The following DNAJC12 variants were observed in gnomAD, a reference collection of about 807,000 sequenced individuals.
DNAJC12 encodes the protein dnaJ homolog subfamily C member 12.
In DNAJC12, 25 loss-of-function variants were observed where a neutral mutation model predicts 28.5. The observed-to-expected ratio is 0.88, with a 90% CI of 0.64 to 1.22. DNAJC12 has a LOEUF of 1.22. DNAJC12 is among the 50% of genes most tolerant of loss of function. The pLI is 0.00. For synonymous variants in DNAJC12, 77 were observed against 80.6 expected, an observed-to-expected ratio of 0.95 and a Z score of 0.24; for missense variants, 222 against 231.7, an observed-to-expected ratio of 0.96 and a Z score of 0.27.
chr10:67,798,492 C>CT (rs1841702935), intron 4 of DNAJC12, among the ~76,000 whole-genome samples: 1 of 151,878 alleles, frequency 6.6e-6, no homozygotes, highest in African/African-American at 2.4e-5. Context: ...CCAGCATAGG[C>CT]AACATGGCAA....
intron 2 of DNAJC12, among the ~76,000 whole-genome samples, chr10:67,816,628 C>A (rs963985827): frequency 6.6e-6 from 1 of 151,548 alleles, no homozygotes. Context: ...TCACTGCAAC[C>A]ACCGCCTCCT....
At chr10:67,820,517 C>A (rs1841971266) in intron 2 of DNAJC12, among the ~76,000 whole-genome samples, 1 of 152,134 alleles carries the variant, frequency 6.6e-6, no homozygotes, top group Non-Finnish European at 1.5e-5. Flanking sequence ...CCACATCTCT[C>A]TGGGCAGTGG....
chr10:67,809,663 A>C (rs1841839523), intron 3 of DNAJC12, among the ~76,000 whole-genome samples: 1 of 152,172 alleles, frequency 6.6e-6, no homozygotes, highest in African/African-American at 2.4e-5. Context: ...AGCCCTAAAA[A>C]AGAGCAAAAT....
chr10:67,837,932 AC>A lies in DNAJC12; in HGVS notation c.78+1del. 1 of 1,585,286 alleles carries A rather than the reference AC, an allele frequency of 6.3e-7. No individual in the cohort carries two copies. The highest frequency in any genetic ancestry group is 1.4e-5 in the African/African-American group (1 of 74,008). ...TGATAAAAATATTATCCACTGTCTT[AC>A]CGAAGATAGTTCATCACATCCCAGT... is the stretch of plus-strand genomic sequence containing the variant. On this transcript the variant is annotated splice_donor_variant, in intron 1 of 4. Transcript: ENST00000225171. LOFTEE classifies it high-confidence loss of function.
chr10:67,805,393 G>A (rs1316689600), intron 4 of DNAJC12, among the ~76,000 whole-genome samples, 190 bp downstream of exon 4: 1 of 152,220 alleles, frequency 6.6e-6, no homozygotes, highest in Non-Finnish European at 1.5e-5. Flanking sequence ...ACTGAGAATT[G>A]TCTCAAGGTT....
intron 1 of DNAJC12, among the ~76,000 whole-genome samples, chr10:67,830,471 G>A (rs1303504661): frequency 6.6e-5 from 10 of 151,288 alleles, no homozygotes; most frequent in Non-Finnish European, 1.2e-4. Flanking sequence ...AGCTGGGCGT[G>A]GTGGCAGGCG....
Position 67,825,259 on chromosome 10 carries a change from G to GT in DNAJC12, c.79-1868dup, listed in dbSNP as rs113894282. The GT allele has an allele frequency of 5.3e-5, 8 of 152,306 alleles. 1 individual carries two copies. The highest frequency in any genetic ancestry group is 1.9e-4 in the African/African-American group (8 of 41,570). 9.4% of individuals were successfully genotyped at this position (152,306 alleles called of 1,614,324 possible). A position where few individuals can be genotyped will look rare whatever the true frequency, so the allele number is the denominator to read the frequency against. ...TCAGCTAGTTACTAAAAAGAGCTGA[G>GT]TTTTTTGTTAAGTTAGCAGTCAAAC... is the stretch of plus-strand genomic sequence containing the variant. On this transcript the variant is annotated intron_variant, in intron 1 of 4. Coordinates refer to ENST00000225171, the MANE Select transcript of DNAJC12 (RefSeq NM_021800.3).
Position 67,803,082 on chromosome 10 carries a change from C to T in DNAJC12, c.502+2501G>A, listed in dbSNP as rs58235999. On this transcript the variant is annotated intron_variant, in intron 4 of 4. Coordinates refer to ENST00000225171, the MANE Select transcript of DNAJC12 (RefSeq NM_021800.3). The stretch of plus-strand genomic sequence containing the variant: ...CTCAAACTCCCGGCCTCAAGCAATC[C>T]GCCCACCTCACCCTCCCTAATTGCT... Among the ~76,000 whole-genome samples the T allele has an allele frequency of 7.8e-3, 1,180 of 151,934 alleles. 17 individuals are homozygous for T. Among genetic ancestry groups the T allele is most frequent in the African/African-American group, 0.027 (1,124 of 41,404 alleles).
chr10:67,822,184 G>C (rs781164185), intron 2 of DNAJC12, among the ~76,000 whole-genome samples: 4 of 152,152 alleles, frequency 2.6e-5, no homozygotes, highest in Non-Finnish European at 5.9e-5. Context: ...GAGCTTAGGA[G>C]GGAACCTTGG....
At chr10:67,819,532 G>C (rs934088886) in intron 2 of DNAJC12, among the ~76,000 whole-genome samples, 1 of 151,214 alleles carries the variant, frequency 6.6e-6, no homozygotes, top group Admixed American at 6.6e-5. Flanking sequence ...CCAGCTTCTC[G>C]GGAGGCTGAG....
chr10:67,814,318 A>G (rs1841892548), intron 2 of DNAJC12, among the ~76,000 whole-genome samples: 2 of 152,190 alleles, frequency 1.3e-5, no homozygotes, highest in Admixed American at 1.3e-4. Context: ...TATAAAAAGC[A>G]TGAATTTAGA....
At chr10:67,836,811 G>T (rs982425922) in intron 1 of DNAJC12, among the ~76,000 whole-genome samples, 1 of 151,522 alleles carries the variant, frequency 6.6e-6, no homozygotes, top group African/African-American at 2.4e-5. Flanking sequence ...TTTTATTAAT[G>T]AACTACTGCC....
intron 2 of DNAJC12, among the ~76,000 whole-genome samples, chr10:67,819,703 G>GAAAGAAA: frequency 3.2e-5 from 1 of 31,510 alleles, no homozygotes; most frequent in African/African-American, 1.1e-4. Context: ...AGAAAGGAAG[G>GAAAGAAA]AAGGAAGGAA....
At chr10:67,816,677 C>T (rs1432063543) in intron 2 of DNAJC12, among the ~76,000 whole-genome samples, 2 of 151,892 alleles carry the variant, frequency 1.3e-5, no homozygotes, top group Non-Finnish European at 2.9e-5. Flanking sequence ...TCCACAGTAG[C>T]TGGGATTACA....
chr10:67,832,388 G>A (rs540000814), intron 1 of DNAJC12, among the ~76,000 whole-genome samples: 1 of 151,650 alleles, frequency 6.6e-6, no homozygotes, highest in African/African-American at 2.4e-5. Context: ...CCAGATATTA[G>A]CAATATCCCT....
intron 2 of DNAJC12, among the ~76,000 whole-genome samples, chr10:67,822,846 T>A (rs530798041): frequency 3.3e-5 from 5 of 150,706 alleles, no homozygotes; most frequent in African/African-American, 1.2e-4. Flanking sequence ...AAAAAAAAAA[T>A]TAGCTGGGCA....
At chr10:67,805,552 C>T (rs760993963) in intron 4 of DNAJC12, 31 bp downstream of exon 4, 1 of 1,569,236 alleles carries the variant, frequency 6.4e-7, no homozygotes, top group South Asian at 1.2e-5. Context: ...TTCAGACCTT[C>T]TCCATTCTGC....
intron 1 of DNAJC12, among the ~76,000 whole-genome samples, chr10:67,826,629 C>T: frequency 8.2e-6 from 1 of 121,848 alleles, no homozygotes; most frequent in Non-Finnish European, 1.6e-5. Context: ...TTATATATAT[C>T]ATTATATATA....
chr10:67,837,671 T>C (rs569874048), intron 1 of DNAJC12, among the ~76,000 whole-genome samples: 1 of 152,324 alleles, frequency 6.6e-6, no homozygotes, highest in East Asian at 1.9e-4. Flanking sequence ...TACTATATTG[T>C]GAAACAGCAT....
Sources: allele counts gnomAD v4.1 joint callset (sites outside exome capture counted in the v4.1 genomes callset), GRCh38; gene constraint gnomAD v4.1.1; transcripts MANE v1.5; gene names NCBI Gene and HGNC (gene_info 2026-07-23, HGNC 2026-07-21).